Variants in CPHXL2 observed in about 807,000 individuals in gnomAD.
CPHXL2 encodes the protein cytoplasmic polyadenylated homeobox-like protein 2.
At chr16:75,660,240 T>G in the CPHXL2 span, 2,347 of 398,434 alleles carry the variant, frequency 5.9e-3, 60 homozygotes, top group African/African-American at 0.043. Context: ...CCTGTGGCTA[T>G]GGTTCTGTGA....
chr16:75,661,437 G>T, the CPHXL2 span, among the ~76,000 whole-genome samples: 1 of 152,064 alleles, frequency 6.6e-6, no homozygotes, highest in African/African-American at 2.4e-5. Context: ...GATACCGGAG[G>T]TCATGCATCA....
chr16:75,665,189 C>T, the CPHXL2 span, among the ~76,000 whole-genome samples: 1 of 152,028 alleles, frequency 6.6e-6, no homozygotes, highest in Non-Finnish European at 1.5e-5. Context: ...TCATCAAGTT[C>T]GTCTAAAATT....
the CPHXL2 span, among the ~76,000 whole-genome samples, chr16:75,663,096 G>T: frequency 1.3e-5 from 2 of 152,164 alleles, no homozygotes; most frequent in African/African-American, 4.8e-5. Flanking sequence ...CACTCACTGC[G>T]CCCGGTGGGA....
the CPHXL2 span, among the ~76,000 whole-genome samples, chr16:75,673,075 C>CAAAA: frequency 0.44 from 31,680 of 72,564 alleles, 6,232 homozygotes; most frequent in African/African-American, 0.54. Flanking sequence ...GACCTTGTCT[C>CAAAA]AAAAAAAAAA....
chr16:75,668,690 G>C, the CPHXL2 span, among the ~76,000 whole-genome samples: 532 of 152,184 alleles, frequency 3.5e-3, 2 homozygotes, highest in African/African-American at 0.012. Context: ...TTACTTACAA[G>C]ACCTAATACC....
At chr16:75,674,372 CAAAAAAAAAAAAA>C in the CPHXL2 span, among the ~76,000 whole-genome samples, 2 of 53,400 alleles carry the variant, frequency 3.7e-5, no homozygotes, top group Non-Finnish European at 7.4e-5. Context: ...GACTCCGTCT[CAAAAAAAAAAAAA>C]AAAAAAAAAG....
chr16:75,661,210 C>T, the CPHXL2 span: 1 of 400,670 alleles, frequency 2.5e-6, no homozygotes, highest in Non-Finnish European at 4.4e-6. Context: ...CTTTGTCTTT[C>T]TTCCGGTGGA....
At chr16:75,675,742 AT>A in the CPHXL2 span, among the ~76,000 whole-genome samples, 1 of 152,070 alleles carries the variant, frequency 6.6e-6, no homozygotes, top group Non-Finnish European at 1.5e-5. Flanking sequence ...TTTGCTGTAG[AT>A]TTTGCCTCCA....
the CPHXL2 span, among the ~76,000 whole-genome samples, chr16:75,662,918 C>T: frequency 1.3e-5 from 2 of 151,880 alleles, no homozygotes; most frequent in South Asian, 2.1e-4. Flanking sequence ...TCTGCCTCAG[C>T]CTCCTGAGTA....
the CPHXL2 span, among the ~76,000 whole-genome samples, chr16:75,665,159 AT>A: frequency 4.6e-5 from 7 of 152,332 alleles, no homozygotes; most frequent in African/African-American, 1.7e-4. Context: ...ATCCCAAAAA[AT>A]AATTGCCTAG....
At chr16:75,667,558 C>A in the CPHXL2 span, among the ~76,000 whole-genome samples, 2 of 152,254 alleles carry the variant, frequency 1.3e-5, no homozygotes, top group Non-Finnish European at 2.9e-5. Flanking sequence ...GATTAACAGG[C>A]ATTTTCTCAA....
the CPHXL2 span, among the ~76,000 whole-genome samples, chr16:75,674,017 A>G: frequency 2.6e-5 from 4 of 151,040 alleles, no homozygotes; most frequent in South Asian, 2.1e-4. Context: ...AGATAAAAGA[A>G]AAGAAAAAAT....
At chr16:75,664,883 G>T in the CPHXL2 span, among the ~76,000 whole-genome samples, 7 of 152,104 alleles carry the variant, frequency 4.6e-5, no homozygotes, top group Admixed American at 2.6e-4. Flanking sequence ...GTACCACCTT[G>T]GTCCCCACCA....
the CPHXL2 span, chr16:75,660,414 G>C: frequency 2.5e-6 from 1 of 398,576 alleles, no homozygotes; most frequent in African/African-American, 2.1e-5. Flanking sequence ...TATTTGGGGA[G>C]GCACGTGCTG....
the CPHXL2 span, among the ~76,000 whole-genome samples, chr16:75,664,192 T>C: frequency 6.6e-6 from 1 of 152,178 alleles, no homozygotes; most frequent in African/African-American, 2.4e-5. Flanking sequence ...CTGCCTAAAA[T>C]GTATAAAACC....
the CPHXL2 span, among the ~76,000 whole-genome samples, chr16:75,674,737 T>A: frequency 2.0e-5 from 3 of 152,002 alleles, no homozygotes; most frequent in African/African-American, 4.8e-5. Context: ...TGAGACAGAG[T>A]CTCGCTCTGT....
the CPHXL2 span, among the ~76,000 whole-genome samples, chr16:75,666,873 A>G: frequency 6.6e-6 from 1 of 152,240 alleles, no homozygotes; most frequent in South Asian, 2.1e-4. Context: ...GAAATTATAT[A>G]AAGGACTCTC....
the CPHXL2 span, among the ~76,000 whole-genome samples, chr16:75,665,850 G>A: frequency 6.6e-6 from 1 of 152,078 alleles, no homozygotes; most frequent in Non-Finnish European, 1.5e-5. Context: ...GGGCAACAGA[G>A]CAAGACTCTG....
At chr16:75,670,207 C>T in the CPHXL2 span, among the ~76,000 whole-genome samples, 1 of 152,172 alleles carries the variant, frequency 6.6e-6, no homozygotes, top group Non-Finnish European at 1.5e-5. Flanking sequence ...AGCCACCGCG[C>T]CGGCTGAGAA....
Sources: gnomAD v4.1 joint callset for allele counts (sites outside exome capture counted in the v4.1 genomes callset) on GRCh38, gnomAD v4.1.1 for gene constraint, MANE v1.5 for transcripts, NCBI Gene and HGNC (gene_info 2026-07-23, HGNC 2026-07-21) for gene names.